SMYD3: variants seen among roughly 807,000 people sequenced by gnomAD.
SMYD3 encodes histone-lysine N-methyltransferase SMYD3.
In SMYD3, 36 loss-of-function variants were observed where a neutral mutation model predicts 57.7. The ratio of observed to expected loss-of-function variants is 0.62; its 90% CI spans 0.48 to 0.82. The LOEUF is 0.82. Ranked by LOEUF, SMYD3 falls within the 40% of genes least tolerant of loss-of-function variation. SMYD3 has a pLI of 0.00. For missense variants in SMYD3, 515 were observed against 538.8 expected (o/e 0.96, Z 0.44); for synonymous variants, 211 against 195.0 (o/e 1.08, Z -0.68).
At chr1:245,993,106 C>T (rs963448621) in intron 5 of SMYD3, among the ~76,000 whole-genome samples, 8 of 152,236 alleles carry the variant, frequency 5.3e-5, no homozygotes, top group East Asian at 3.9e-4. Context: ...CTGCACTCAA[C>T]GTTTACTGGG....
At chr1:246,506,978 G>GCCCCCCCCCCCCCCCCCCCCCCCCCACCC in intron 1 of SMYD3, 76 bp downstream of exon 1, 1 of 1,174,518 alleles carries the variant, frequency 8.5e-7, no homozygotes, top group Non-Finnish European at 1.1e-6. Flanking sequence ...CGCGGCTGCC[G>GCCCCCCCCCCCCCCCCCCCCCCCCCACCC]GCCGCCCGAC....
intron 5 of SMYD3, among the ~76,000 whole-genome samples, chr1:246,248,636 C>CTTTTTTTTTTTTTT (rs1178698803): frequency 3.8e-5 from 2 of 52,108 alleles, no homozygotes; most frequent in African/African-American, 2.1e-4. Flanking sequence ...TCTGACTTTC[C>CTTTTTTTTTTTTTT]TTTTTTTTTT....
chr1:246,438,638 T>C (rs1219036734), intron 1 of SMYD3, among the ~76,000 whole-genome samples: 3 of 152,168 alleles, frequency 2.0e-5, no homozygotes. Flanking sequence ...GTATACTTTA[T>C]ATCATCCCTA....
At chr1:246,376,400 G>A (rs1486474028) in intron 1 of SMYD3, among the ~76,000 whole-genome samples, 3 of 151,640 alleles carry the variant, frequency 2.0e-5, no homozygotes, top group African/African-American at 7.3e-5. Flanking sequence ...AGACCAGCCT[G>A]GCCAACATGG....
In SMYD3 at chr1:246,355,881, C is replaced by T. The variant is rs12118470; in HGVS notation, c.165-787G>A. On this transcript the variant is annotated intron_variant, in intron 1 of 11. Coordinates refer to ENST00000490107, the MANE Select transcript of SMYD3 (RefSeq NM_001167740.2). The surrounding 1 kb of genome is among the most constrained non-coding windows in gnomAD (Gnocchi z 5.0). ...CAGCCCTGGGTGCCAAAGACAAAGG[C>T]CATAATCTCTTGGGAGCTCTATGGC... Among the ~76,000 whole-genome samples, 81,157 of 151,878 alleles carry T rather than the reference C, an allele frequency of 0.53. 22,432 individuals carry two copies. Among genetic ancestry groups the T allele is most frequent in the Middle Eastern group, 0.71 (210 of 294 alleles).
intron 1 of SMYD3, among the ~76,000 whole-genome samples, chr1:246,458,756 G>A (rs916847035): frequency 1.3e-5 from 2 of 151,090 alleles, no homozygotes; most frequent in Admixed American, 6.6e-5. Flanking sequence ...GTGAGCCACC[G>A]CGCCCGGCCG....
intron 5 of SMYD3, among the ~76,000 whole-genome samples, chr1:245,939,777 T>A (rs1374626646): frequency 1.3e-5 from 2 of 152,222 alleles, no homozygotes; most frequent in Non-Finnish European, 2.9e-5. Flanking sequence ...CTTCACACCT[T>A]CATGTCTCTG....
intron 5 of SMYD3, among the ~76,000 whole-genome samples, chr1:246,293,418 G>C (rs1049987125): frequency 6.6e-6 from 1 of 152,122 alleles, no homozygotes; most frequent in Non-Finnish European, 1.5e-5. Context: ...TAATTAAACT[G>C]TAACTTATTT....
At chr1:246,058,499 G>A (rs1345218297) in intron 5 of SMYD3, among the ~76,000 whole-genome samples, 6 of 152,278 alleles carry the variant, frequency 3.9e-5, no homozygotes, top group East Asian at 3.9e-4. Flanking sequence ...GTTATCTTAC[G>A]AAATAATAAA....
intron 8 of SMYD3, among the ~76,000 whole-genome samples, chr1:245,883,158 T>TA (rs962192205): frequency 2.6e-5 from 4 of 152,030 alleles, no homozygotes; most frequent in African/African-American, 9.7e-5. Flanking sequence ...CTATTAATAC[T>TA]AAAAAAAATC....
At chr1:246,315,083 G>A (rs1022975462) in intron 5 of SMYD3, among the ~76,000 whole-genome samples, 2 of 152,112 alleles carry the variant, frequency 1.3e-5, no homozygotes, top group Non-Finnish European at 2.9e-5. Context: ...CCCTCTCTAA[G>A]CCACAACTGA....
At chr1:246,293,695 T>C (rs954186297) in intron 5 of SMYD3, among the ~76,000 whole-genome samples, 1 of 152,210 alleles carries the variant, frequency 6.6e-6, no homozygotes, top group Non-Finnish European at 1.5e-5. Flanking sequence ...TCATCATTAA[T>C]AACCCTTTTG....
chr1:246,306,030 C>A (rs2064972159), intron 5 of SMYD3: 1 of 152,124 alleles, frequency 6.6e-6, no homozygotes. Flanking sequence ...CTGCTCCTGT[C>A]TTCATTACAA....
At chr1:246,093,355 C>T (rs1049902259) in intron 5 of SMYD3, among the ~76,000 whole-genome samples, 14 of 152,126 alleles carry the variant, frequency 9.2e-5, no homozygotes, top group Admixed American at 1.3e-4. Flanking sequence ...AGTCAAGATA[C>T]GTAACCAACC....
intron 2 of SMYD3, among the ~76,000 whole-genome samples, chr1:246,344,899 T>C (rs1200122099): frequency 6.6e-6 from 1 of 152,244 alleles, no homozygotes; most frequent in East Asian, 1.9e-4. Flanking sequence ...TACTCAGTTT[T>C]CTTACTACTG....
chr1:246,424,585 T>C (rs2067189547), intron 1 of SMYD3, among the ~76,000 whole-genome samples: 1 of 152,196 alleles, frequency 6.6e-6, no homozygotes, highest in Non-Finnish European at 1.5e-5. Flanking sequence ...TCACAGATGA[T>C]TTACTGTAAT....
At chr1:246,010,995 C>A (rs1240808230) in intron 5 of SMYD3, among the ~76,000 whole-genome samples, 7 of 152,166 alleles carry the variant, frequency 4.6e-5, no homozygotes, top group Non-Finnish European at 1.0e-4. Flanking sequence ...CGGCTGAAGA[C>A]GTCATCTTGT....
rs2065903739 is a variant in SMYD3 at position 246,355,874 on chromosome 1, A to T, written c.165-780T>A. Among the ~76,000 whole-genome samples the T allele has an allele frequency of 6.6e-6, 1 of 152,084 alleles. No homozygotes were observed. Among genetic ancestry groups the T allele is most frequent in the Admixed American group, 6.6e-5 (1 of 15,254 alleles). ...TCTCTACCAGCCCTGGGTGCCAAAG[A>T]CAAAGGCCATAATCTCTTGGGAGCT... On this transcript the variant is annotated intron_variant, in intron 1 of 11. Transcript: ENST00000490107. This position sits in a 1 kb window ranked among gnomAD's most constrained non-coding sequence, Gnocchi z 5.0.
intron 1 of SMYD3, among the ~76,000 whole-genome samples, chr1:246,391,684 A>G (rs185517237): frequency 3.3e-4 from 50 of 152,306 alleles, no homozygotes; most frequent in African/African-American, 1.0e-3. Flanking sequence ...AAGGAGGAAC[A>G]TTTGATAATG....
Sources: gnomAD v4.1 joint callset for allele counts (sites outside exome capture counted in the v4.1 genomes callset) on GRCh38, gnomAD v4.1.1 for gene constraint, Gnocchi (gnomAD v3.1) non-coding constraint, MANE v1.5 for transcripts, NCBI Gene and HGNC (gene_info 2026-07-23, HGNC 2026-07-21) for gene names.